GRIK1: variants seen among roughly 807,000 people sequenced by gnomAD.
GRIK1 encodes the protein glutamate receptor ionotropic, kainate 1.
In GRIK1, 69 loss-of-function variants were observed where a neutral mutation model predicts 105.7. That is an observed-to-expected ratio of 0.65 (90% CI 0.54 to 0.80). The LOEUF is 0.80. Among genes scored for constraint, GRIK1 ranks in the 30% least tolerant of loss-of-function variants. The probability of loss-of-function intolerance (pLI) is 0.00; values close to 1 mark genes in which losing one functional copy is unlikely to be tolerated. For missense variants in GRIK1, 1,109 were observed against 1,167.3 expected, an observed-to-expected ratio of 0.95 and a Z score of 0.73; for synonymous variants, 438 against 431.3, an observed-to-expected ratio of 1.02 and a Z score of -0.19.
intron 1 of GRIK1, among the ~76,000 whole-genome samples, chr21:29,878,754 C>A (rs916398798): frequency 7.9e-5 from 12 of 152,126 alleles, no homozygotes; most frequent in African/African-American, 2.7e-4. Flanking sequence ...AAGAAGGCCA[C>A]CTACAAAGCA....
rs112218276 is a variant in GRIK1, at chr21:29,793,084, G to T, written c.119-99021C>A. On this transcript the variant is annotated intron_variant, in intron 1 of 17. Transcript: ENST00000327783. ...ATACGCAGGCTGTGAATGAAAGCTG[G>T]TTCATGTAAATGGCCCAGAAAAAAA... 6.1e-3 allele frequency among the ~76,000 whole-genome samples: 923 copies of T among 152,206 alleles called. 7 individuals carry two copies. The highest frequency in any genetic ancestry group is 0.021 in the African/African-American group (890 of 41,528).
At position 29,734,748 on chromosome 21, in the gene GRIK1, C is replaced by T. The variant is rs1346022089; in HGVS notation, c.119-40685G>A. Among the ~76,000 whole-genome samples the T allele has an allele frequency of 5.9e-5, 9 of 152,090 alleles. 1 individual carries two copies. The highest frequency in any genetic ancestry group is 1.2e-4 in the Non-Finnish European group (8 of 68,018). On this transcript the variant is annotated intron_variant, in intron 1 of 17. Coordinates refer to ENST00000327783, the MANE Select transcript of GRIK1 (RefSeq NM_001330994.2). ...TCTTCCTTTCTTACTCAGAATTGAA[C>T]TCAACATTCTTGTCACCATTGCCTC... is the stretch of plus-strand genomic sequence containing the variant.
chr21:29,664,234 AT>A (rs1247554629), intron 4 of GRIK1, among the ~76,000 whole-genome samples: 8 of 152,314 alleles, frequency 5.3e-5, no homozygotes, highest in African/African-American at 1.7e-4. Flanking sequence ...AATCTTGGAA[AT>A]CATTGTTATG....
chr21:29,735,344 CA>C (rs1855125052), intron 1 of GRIK1, among the ~76,000 whole-genome samples: 1 of 152,182 alleles, frequency 6.6e-6, no homozygotes. Context: ...AAGTCCAACT[CA>C]TAAAGTGAGG....
At chr21:29,617,176 A>G (rs1037771122) in intron 7 of GRIK1, among the ~76,000 whole-genome samples, 3 of 152,254 alleles carry the variant, frequency 2.0e-5, no homozygotes, top group African/African-American at 7.2e-5. Flanking sequence ...AAAAAGAAAC[A>G]TAAAACACCT....
At chr21:29,699,296 G>A (rs2063768649) in intron 1 of GRIK1, among the ~76,000 whole-genome samples, 1 of 152,190 alleles carries the variant, frequency 6.6e-6, no homozygotes, top group Non-Finnish European at 1.5e-5. Context: ...TAGAAATAGT[G>A]TCTTTAAAAC....
intron 1 of GRIK1, among the ~76,000 whole-genome samples, chr21:29,830,368 CACAT>C (rs2067598372): frequency 6.7e-6 from 1 of 148,976 alleles, no homozygotes; most frequent in Non-Finnish European, 1.5e-5. Flanking sequence ...CACACTCACA[CACAT>C]ATTCTTATAC....
At chr21:29,556,833 G>A (rs1239864095) in intron 15 of GRIK1, among the ~76,000 whole-genome samples, 2 of 152,198 alleles carry the variant, frequency 1.3e-5, no homozygotes, top group Non-Finnish European at 2.9e-5. Context: ...GCACTGGACT[G>A]TGGCAAGATC....
chr21:29,912,816 A>G lies in GRIK1; in HGVS notation c.118+26567T>C, dbSNP rs142824958. On this transcript the variant is annotated intron_variant, in intron 1 of 17. Transcript: ENST00000327783. Reference sequence around the variant, plus strand: ...ACATTTTCTTAGAGAGGGTATGTGAAGAGTTCATTCCCGAAGGTTTTATTT... The same window carrying G: ...ACATTTTCTTAGAGAGGGTATGTGAGGAGTTCATTCCCGAAGGTTTTATTT... Among the ~76,000 whole-genome samples, 290 of 152,178 alleles carry G rather than the reference A, an allele frequency of 1.9e-3. 3 individuals carry two copies. Among genetic ancestry groups the G allele is most frequent in the African/African-American group, 6.6e-3 (273 of 41,542 alleles).
chr21:29,852,039 T>C (rs1402015751), intron 1 of GRIK1, among the ~76,000 whole-genome samples: 1 of 152,178 alleles, frequency 6.6e-6, no homozygotes. Context: ...AGTCTGACTA[T>C]TTCTCCTTCC....
chr21:29,855,980 A>T (rs996203672), intron 1 of GRIK1, among the ~76,000 whole-genome samples: 11 of 152,192 alleles, frequency 7.2e-5, no homozygotes, highest in African/African-American at 2.7e-4. Context: ...GGGGAAACAC[A>T]TTTGGAGAGA....
intron 4 of GRIK1, among the ~76,000 whole-genome samples, chr21:29,664,014 G>T (rs1403090824): frequency 6.6e-6 from 1 of 152,174 alleles, no homozygotes; most frequent in Non-Finnish European, 1.5e-5. Context: ...GCTAACTAAT[G>T]AATGTGAAAG....
At chr21:29,607,833 A>T (rs1301280850) in intron 7 of GRIK1, among the ~76,000 whole-genome samples, 1 of 152,228 alleles carries the variant, frequency 6.6e-6, no homozygotes, top group Admixed American at 6.5e-5. Context: ...GCATTGACAC[A>T]TAATGTTTAA....
intron 1 of GRIK1, among the ~76,000 whole-genome samples, chr21:29,848,779 A>ATATTTTTTTTTTTTTT: frequency 3.6e-4 from 28 of 77,850 alleles, no homozygotes; most frequent in African/African-American, 1.6e-3. Context: ...ATATATATAT[A>ATATTTTTTTTTTTTTT]TTTTTTTTTT....
intron 3 of GRIK1, 97 bp from the exon 4 acceptor site, chr21:29,673,261 C>T (rs2063195178): frequency 2.8e-6 from 2 of 717,954 alleles, no homozygotes; most frequent in East Asian, 5.3e-5. Context: ...CCAAAACATA[C>T]CCAGTGGCCA....
Position 29,693,877 on chromosome 21 carries a change from A to G in GRIK1, c.286+19T>C. ...GACATATCACCCAAAGAAGCTTTTA[A>G]AAGTGGGAAAATAGTTACCTCTCCG... On this transcript the variant is annotated intron_variant, in intron 2 of 17. Coordinates refer to ENST00000327783, the MANE Select transcript of GRIK1 (RefSeq NM_001330994.2). 3 of 1,593,526 alleles carry G rather than the reference A, an allele frequency of 1.9e-6. No homozygotes were observed. The highest frequency in any genetic ancestry group is 1.1e-5 in the South Asian group (1 of 89,752).
intron 4 of GRIK1, among the ~76,000 whole-genome samples, chr21:29,663,935 AGAT>A (rs2063013180): frequency 6.6e-6 from 1 of 152,186 alleles, no homozygotes; most frequent in Non-Finnish European, 1.5e-5. Context: ...TGGAGAAGGA[AGAT>A]GATGAGAGAT....
Position 29,631,584 on chromosome 21 carries a change from C to CAGCT in GRIK1, c.1098+11238_1098+11241dup, listed in dbSNP as rs372730615. ...TTTGTTATAGCAGCCCAAGCTAAGA[C>CAGCT]AGCTGTTCATTATGGTAGCTGGAGG... On this transcript the variant is annotated intron_variant, in intron 7 of 17. Coordinates refer to ENST00000327783, the MANE Select transcript of GRIK1 (RefSeq NM_001330994.2). 5.2e-3 allele frequency among the ~76,000 whole-genome samples: 797 copies of CAGCT among 152,280 alleles called. 7 individuals carry two copies. The highest frequency in any genetic ancestry group is 0.018 in the African/African-American group (741 of 41,548).
At chr21:29,630,566 A>G (rs983978508) in intron 7 of GRIK1, 3 of 471,600 alleles carry the variant, frequency 6.4e-6, no homozygotes, top group African/African-American at 6.0e-5. Context: ...ATGTCTGCAA[A>G]AAGTGAATTC....
Sources: allele counts gnomAD v4.1 joint callset (sites outside exome capture counted in the v4.1 genomes callset), GRCh38; gene constraint gnomAD v4.1.1; transcripts MANE v1.5; gene names NCBI Gene and HGNC (gene_info 2026-07-23, HGNC 2026-07-21).